The following NR4A2 variants were observed in gnomAD, a reference collection of about 807,000 sequenced individuals.
The protein encoded by NR4A2 is NGFI-B/nur77 beta-type transcription factor homolog.
A neutral mutation model predicts 50.5 loss-of-function variants in NR4A2; 1 was observed. The observed-to-expected ratio is 0.02, with a 90% CI of 0.01 to 0.09. The LOEUF is 0.09. Among genes scored for constraint, NR4A2 ranks in the 10% least tolerant of loss-of-function variants. The pLI is 1.00. For synonymous variants in NR4A2, 328 were observed against 309.4 expected, an observed-to-expected ratio of 1.06 and a Z score of -0.63; for missense variants, 613 against 777.3, an observed-to-expected ratio of 0.79 and a Z score of 2.51.
Position 156,328,684 on chromosome 2 carries a change from T to TTTTC in NR4A2, c.865-155_865-152dup, listed in dbSNP as rs1353921841. On this transcript the variant is annotated intron_variant, in intron 3 of 7. Transcript: ENST00000339562. This position sits in a 1 kb window ranked among gnomAD's most constrained non-coding sequence, Gnocchi z 4.9. ...ATTCCATTTTATTTTTTTCTCTTCC[T>TTTTC]TTTCTTTCTTTCTTTTCTTTTTTCC... 9.8e-7 allele frequency: 1 copy of TTTTC among 1,024,534 alleles called. No individual in the cohort carries two copies. Among genetic ancestry groups the TTTTC allele is most frequent in the South Asian group, 1.5e-5 (1 of 68,224 alleles). The allele number at this position is 1,024,534 out of a possible 1,614,324, so 63.5% of individuals were successfully genotyped here.
intron 5 of NR4A2, among the ~76,000 whole-genome samples, chr2:156,327,543 G>A (rs57545660): frequency 0.012 from 1,835 of 152,190 alleles, 29 homozygotes; most frequent in African/African-American, 0.037. Context: ...GGATTTCATG[G>A]TAGAGGCACT....
chr2:156,327,045 A>G (rs989410537), intron 5 of NR4A2, 125 bp from the exon 6 acceptor site: 2 of 867,112 alleles, frequency 2.3e-6, no homozygotes, highest in African/African-American at 1.7e-5. Context: ...TCTGACCAGT[A>G]AGGAAATTAG....
At position 156,329,778 on chromosome 2, in the gene NR4A2, C is replaced by T. The variant is rs1573818787; in HGVS notation, c.409G>A (p.Val137Met). ...TCGTCCCACATGGGGCTGTGCTGCA[C>T]CTGGAAGCCCGGGGTGGTGGGCGTC... Reference protein sequence around the residue: ...PPTPTTPGFQVQHSPMWDDPG... With the variant: ...PPTPTTPGFQMQHSPMWDDPG... The change falls in exon 3 of 8, where the codon GTG becomes ATG. Residue 137 changes from valine to methionine, a missense_variant. By Grantham distance (21) the Val-to-Met change is conservative. Coordinates refer to ENST00000339562, the MANE Select transcript of NR4A2 (RefSeq NM_006186.4). This position sits in a 1 kb window ranked among gnomAD's most constrained non-coding sequence, Gnocchi z 7.5. 1.2e-6 allele frequency: 2 copies of T among 1,613,500 alleles called. No homozygotes were observed. The highest frequency in any genetic ancestry group is 1.7e-6 in the Non-Finnish European group (2 of 1,179,504).
intron 5 of NR4A2, 143 bp from the exon 6 acceptor site, chr2:156,327,063 G>A (rs1042223114): frequency 4.3e-5 from 34 of 784,676 alleles, no homozygotes; most frequent in Non-Finnish European, 5.4e-5. Context: ...TAGATGTTCC[G>A]GGGCAATTAA....
chr2:156,327,416 C>T (rs889839128), intron 5 of NR4A2, among the ~76,000 whole-genome samples: 6 of 152,178 alleles, frequency 3.9e-5, no homozygotes, highest in African/African-American at 7.2e-5. Flanking sequence ...GACCCCCAGA[C>T]AGGCCCCCAC....
Position 156,332,605 on chromosome 2 carries a change from G to A in NR4A2, c.-252C>T. On this transcript the variant is annotated 5_prime_UTR_variant, in exon 1 of 8. Transcript: ENST00000339562. ...GGCGAAGGGAACCCGGACACCTCACGGAGGGAGGGAGCAGGGACAGGCGGC... is the reference window on the plus strand; with the variant it reads ...GGCGAAGGGAACCCGGACACCTCACAGAGGGAGGGAGCAGGGACAGGCGGC... The A allele has an allele frequency of 1.3e-6, 1 of 757,936 alleles. No individual in the cohort carries two copies. The highest frequency in any genetic ancestry group is 2.0e-6 in the Non-Finnish European group (1 of 505,232). 47.0% of individuals were successfully genotyped at this position (757,936 alleles called of 1,614,324 possible). A position where few individuals can be genotyped will look rare whatever the true frequency, so the allele number is the denominator to read the frequency against.
intron 2 of NR4A2, 122 bp downstream of exon 2, chr2:156,330,546 G>T: frequency 1.9e-6 from 2 of 1,052,040 alleles, no homozygotes; most frequent in South Asian, 1.8e-5. Flanking sequence ...ATTTCACAAT[G>T]AGAAAGTTGT....
At position 156,328,543 on chromosome 2, in the gene NR4A2, G is replaced by A. The variant is rs544832163; in HGVS notation, c.865-10C>T. 6.2e-7 allele frequency: 1 copy of A among 1,614,210 alleles called. No individual in the cohort carries two copies. The highest frequency in any genetic ancestry group is 1.7e-5 in the Admixed American group (1 of 60,022). Reference sequence around the variant, plus strand: ...TTTTTTGCACTGTGCGCTGCAAAAGGAGACAATATAGACCAACATTTTTTT... The same window carrying A: ...TTTTTTGCACTGTGCGCTGCAAAAGAAGACAATATAGACCAACATTTTTTT... On this transcript the variant is annotated splice_polypyrimidine_tract_variant and intron_variant, in intron 3 of 7. Coordinates refer to ENST00000339562, the MANE Select transcript of NR4A2 (RefSeq NM_006186.4). This position sits in a 1 kb window ranked among gnomAD's most constrained non-coding sequence, Gnocchi z 4.9.
At chr2:156,331,854 CT>C (rs1238450561) in intron 1 of NR4A2, 1 of 152,418 alleles carries the variant, frequency 6.6e-6, no homozygotes, top group East Asian at 1.9e-4. Context: ...TATTAACCCC[CT>C]GGTAGCTCCA....
chr2:156,325,911 C>T lies in NR4A2; in HGVS notation c.1630G>A (p.Gly544Arg). The change falls in exon 8 of 8, where the codon GGG becomes AGG. Residue 544 changes from glycine to arginine, a missense_variant. By Grantham distance (125) the Gly-to-Arg change is moderately radical. Coordinates refer to ENST00000339562, the MANE Select transcript of NR4A2 (RefSeq NM_006186.4). ...CLKDHVTFNN[G>R]GLNRPNYLSK... ...AAATAATTGGGGCGGTTCAACCCCC[C>T]ATTGTTGAAAGTCACGTGGTCTTTG... 6.2e-7 allele frequency: 1 copy of T among 1,614,204 alleles called. No individual in the cohort carries two copies. The highest frequency in any genetic ancestry group is 2.2e-5 in the East Asian group (1 of 44,890).
chr2:156,326,289 C>A lies in NR4A2; in HGVS notation c.1401G>T (p.Gly467=). The A allele has an allele frequency of 6.2e-7, 1 of 1,614,160 alleles. No individual in the cohort carries two copies. Among genetic ancestry groups the A allele is most frequent in the Non-Finnish European group, 8.5e-7 (1 of 1,180,020 alleles). The change falls in exon 7 of 8, where the codon GGG becomes GGT. Residue 467 remains glycine, a synonymous_variant. Coordinates refer to ENST00000339562, the MANE Select transcript of NR4A2 (RefSeq NM_006186.4). This position sits in a 1 kb window ranked among gnomAD's most constrained non-coding sequence, Gnocchi z 4.2. ...CGCATTGCAACCTGTGCAAGACCAC[C>A]CCATTGCAAAAGATGAGTTTACCCT... is the stretch of plus-strand genomic sequence containing the variant. ...PVEGKLIFCN[G]VVLHRLQCVR...
chr2:156,327,064 G>C (rs1287917527), intron 5 of NR4A2, 144 bp from the exon 6 acceptor site: 5 of 782,750 alleles, frequency 6.4e-6, no homozygotes, highest in Non-Finnish European at 8.7e-6. Context: ...AGATGTTCCG[G>C]GGCAATTAAT....
rs1199217956 is a variant in NR4A2 at position 156,324,717 on chromosome 2, CT to C, written c.*1026del. On this transcript the variant is annotated 3_prime_UTR_variant, in exon 8 of 8. Transcript: ENST00000339562. The stretch of plus-strand genomic sequence containing the variant: ...CAGGGAGTTATGTATATTATAAGCA[CT>C]CTGGAAACAGTCAAAAGCTGCTGCA... The C allele has an allele frequency of 6.6e-6, 1 of 152,586 alleles. No individual in the cohort carries two copies. Among genetic ancestry groups the C allele is most frequent in the Non-Finnish European group, 1.5e-5 (1 of 68,028 alleles). 9.5% of individuals were successfully genotyped at this position (152,586 alleles called of 1,614,324 possible).
rs550135305 is a variant in NR4A2, at chr2:156,325,927, G to A, written c.1614C>T (p.His538=). 46 of 1,614,194 alleles carry A rather than the reference G, an allele frequency of 2.8e-5. No individual in the cohort carries two copies. The highest frequency in any genetic ancestry group is 2.5e-4 in the South Asian group (23 of 91,086). ...QNKIVNCLKD[H]VTFNNGGLNR... ...TCAACCCCCCATTGTTGAAAGTCAC[G>A]TGGTCTTTGAGACAATTTACAATCT... Residue 538 remains histidine, a synonymous_variant, in exon 8 of 8, where the codon CAC becomes CAT. Transcript: ENST00000339562.
rs1278394401 is a variant in NR4A2 at position 156,328,653 on chromosome 2, C to CAA, written c.865-121_865-120insTT. 2 of 1,160,822 alleles carry CAA rather than the reference C, an allele frequency of 1.7e-6. No homozygotes were observed. The highest frequency in any genetic ancestry group is 3.1e-5 in the African/African-American group (2 of 65,124). 71.9% of individuals were successfully genotyped at this position (1,160,822 alleles called of 1,614,324 possible). ...ATTCCTCCCCACAAACAAACACATA[C>CAA]ACACAATTCCATTTTATTTTTTTCT... On this transcript the variant is annotated intron_variant, in intron 3 of 7. Transcript: ENST00000339562. The surrounding 1 kb of genome is among the most constrained non-coding windows in gnomAD (Gnocchi z 4.9).
At position 156,329,380 on chromosome 2, in the gene NR4A2, G is replaced by A. The variant is rs1686803524; in HGVS notation, c.807C>T (p.Asn269=). Reference sequence around the variant, plus strand: ...GCACGCCGTAGTGTTGGCAGGCCGCGTTGTCCCCACACACAGCGCACAGCC... The same window carrying A: ...GCACGCCGTAGTGTTGGCAGGCCGCATTGTCCCCACACACAGCGCACAGCC... The part of the protein sequence containing the change: ...NEGLCAVCGD[N]AACQHYGVRT... Residue 269 remains asparagine, a synonymous_variant, in exon 3 of 8, where the codon AAC becomes AAT. Coordinates refer to ENST00000339562, the MANE Select transcript of NR4A2 (RefSeq NM_006186.4). The surrounding 1 kb of genome is among the most constrained non-coding windows in gnomAD (Gnocchi z 7.5). 6.8e-6 allele frequency: 11 copies of A among 1,612,194 alleles called. No homozygotes were observed. Among genetic ancestry groups the A allele is most frequent in the Non-Finnish European group, 8.5e-6 (10 of 1,179,616 alleles).
intron 2 of NR4A2, 37 bp downstream of exon 2, chr2:156,330,631 T>G: frequency 1.5e-6 from 2 of 1,332,758 alleles, no homozygotes; most frequent in South Asian, 2.4e-5. Flanking sequence ...TTTGGGGAGC[T>G]CTGGAGAGTA....
In NR4A2 at chr2:156,332,599, C is replaced by A; in HGVS notation, c.-246G>T. 1.2e-6 allele frequency: 1 copy of A among 831,764 alleles called. No homozygotes were observed. Among genetic ancestry groups the A allele is most frequent in the Non-Finnish European group, 1.7e-6 (1 of 572,572 alleles). The allele number at this position is 831,764 out of a possible 1,614,324, so 51.5% of individuals were successfully genotyped here. ...GAGCTGGGCGAAGGGAACCCGGACA[C>A]CTCACGGAGGGAGGGAGCAGGGACA... On this transcript the variant is annotated 5_prime_UTR_variant, in exon 1 of 8. Transcript: ENST00000339562.
chr2:156,332,266 G>C (rs1273605885), intron 1 of NR4A2, among the ~76,000 whole-genome samples: 1 of 152,102 alleles, frequency 6.6e-6, no homozygotes, highest in Non-Finnish European at 1.5e-5. Context: ...AACCTCTGTC[G>C]AGAGCCAACT....
Sources: gnomAD v4.1 joint callset for allele counts (sites outside exome capture counted in the v4.1 genomes callset) on GRCh38, gnomAD v4.1.1 for gene constraint, Gnocchi (gnomAD v3.1) non-coding constraint, MANE v1.5 for transcripts, NCBI Gene and HGNC (gene_info 2026-07-23, HGNC 2026-07-21) for gene names.